The following ABCG2 variants were observed in gnomAD, a reference collection of about 807,000 sequenced individuals.
The protein encoded by ABCG2 is ATP binding cassette subfamily G member 2 (JR blood group).
In ABCG2, 80 loss-of-function variants were observed where a neutral mutation model predicts 73.5. The observed-to-expected ratio is 1.09, with a 90% CI of 0.91 to 1.31. The LOEUF (loss-of-function observed/expected upper bound fraction) is 1.31. Ranked by LOEUF, ABCG2 falls within the 50% of genes most tolerant of loss-of-function variation. The pLI is 0.00. For missense variants in ABCG2, 796 were observed against 786.2 expected, an observed-to-expected ratio of 1.01 and a Z score of -0.15; for synonymous variants, 269 against 282.4, an observed-to-expected ratio of 0.95 and a Z score of 0.48.
intron 1 of ABCG2, among the ~76,000 whole-genome samples, chr4:88,202,356 A>C (rs1453586522): frequency 1.4e-5 from 1 of 72,628 alleles, no homozygotes; most frequent in Non-Finnish European, 3.2e-5. Flanking sequence ...ACAATTATTT[A>C]TATATATATA....
In ABCG2 at chr4:88,113,693, C is replaced by A. The variant is rs568716333; in HGVS notation, c.944-140G>T. The A allele has an allele frequency of 1.9e-5, 21 of 1,116,290 alleles. No homozygotes were observed. In the South Asian group the frequency reaches 2.5e-4, roughly 13 times the overall value. The allele number at this position is 1,116,290 out of a possible 1,614,324, so 69.1% of individuals were successfully genotyped here. ...GAAAGAAAAAATAGGCCAGGCACGGCGGCTCATGACTGTAATCTCAGCACT... is the reference window on the plus strand; with the variant it reads ...GAAAGAAAAAATAGGCCAGGCACGGAGGCTCATGACTGTAATCTCAGCACT... On this transcript the variant is annotated intron_variant, in intron 8 of 15. Coordinates refer to ENST00000237612, the MANE Select transcript of ABCG2 (RefSeq NM_004827.3).
At chr4:88,175,333 A>AT (rs1447642322) in intron 1 of ABCG2, among the ~76,000 whole-genome samples, 2 of 152,130 alleles carry the variant, frequency 1.3e-5, no homozygotes, top group East Asian at 3.8e-4. Flanking sequence ...CAAATACCTG[A>AT]TTTTCTCTCT....
chr4:88,159,341 G>GGATTCTGAGAAAGTGGATGC (rs2110084516), upstream of ABCG2: 3 of 387,520 alleles, frequency 7.7e-6, no homozygotes, highest in East Asian at 7.9e-5. Flanking sequence ...CTGGTGAATG[G>GGATTCTGAGAAAGTGGATGC]GATTCTGAGA....
chr4:88,206,529 A>G (rs961011384), intron 1 of ABCG2: 1 of 152,138 alleles, frequency 6.6e-6, no homozygotes, highest in Non-Finnish European at 1.5e-5. Flanking sequence ...AGAAGTGTTA[A>G]CCTTCTGTCC....
rs180914374 is a variant in ABCG2 at position 88,216,897 on chromosome 4, G to C, written c.-20+14097C>G. The stretch of plus-strand genomic sequence containing the variant: ...AATACAAAAATTAGCTGGGCGTGGT[G>C]GTGGGCACCTGTAATCCCAGCTACT... On this transcript the variant is annotated intron_variant, in intron 1 of 15. Coordinates refer to the ABCG2 transcript ENST00000515655. Among the ~76,000 whole-genome samples, 522 of 152,094 alleles carry C rather than the reference G, an allele frequency of 3.4e-3. 4 individuals are homozygous for C. Among genetic ancestry groups the C allele is most frequent in the African/African-American group, 0.012 (487 of 41,490 alleles).
chr4:88,124,825 A>C (rs1161757595), intron 5 of ABCG2, among the ~76,000 whole-genome samples: 9 of 152,120 alleles, frequency 5.9e-5, no homozygotes, highest in African/African-American at 1.9e-4. Context: ...CACCTACAGA[A>C]CTCTCTACCC....
intron 1 of ABCG2, among the ~76,000 whole-genome samples, chr4:88,214,630 C>T (rs1054557179): frequency 2.0e-5 from 3 of 151,990 alleles, no homozygotes; most frequent in African/African-American, 7.3e-5. Flanking sequence ...TAGGCTGAGG[C>T]AGGAGGATCA....
At chr4:88,186,642 G>A (rs923483091) in intron 1 of ABCG2, among the ~76,000 whole-genome samples, 6 of 151,630 alleles carry the variant, frequency 4.0e-5, no homozygotes, top group African/African-American at 7.3e-5. Flanking sequence ...CCGGGCGGCC[G>A]GGCGCGGTGG....
intron 2 of ABCG2, among the ~76,000 whole-genome samples, chr4:88,135,907 T>A (rs1725216765): frequency 6.6e-6 from 1 of 152,128 alleles, no homozygotes; most frequent in South Asian, 2.1e-4. Flanking sequence ...ACATCCTTAA[T>A]GTACTTGCTG....
At chr4:88,126,637 A>C (rs1724429343) in intron 5 of ABCG2, among the ~76,000 whole-genome samples, 1 of 152,240 alleles carries the variant, frequency 6.6e-6, no homozygotes. Context: ...AGAAATCAAT[A>C]AATGTAATCC....
intron 1 of ABCG2, among the ~76,000 whole-genome samples, chr4:88,150,734 C>G (rs1050328947): frequency 1.3e-5 from 2 of 152,214 alleles, no homozygotes; most frequent in Non-Finnish European, 2.9e-5. Context: ...TCAAAGCCAT[C>G]TTGGGCCACA....
At chr4:88,206,497 G>A (rs562948039) in intron 1 of ABCG2, 1 of 152,152 alleles carries the variant, frequency 6.6e-6, no homozygotes, top group South Asian at 2.1e-4. Flanking sequence ...CAGGCCCGAG[G>A]GCCTCTTCCA....
At chr4:88,198,269 G>C (rs1729017259) in intron 1 of ABCG2, among the ~76,000 whole-genome samples, 1 of 152,094 alleles carries the variant, frequency 6.6e-6, no homozygotes, top group African/African-American at 2.4e-5. Context: ...GGAGGCAGAG[G>C]TTGCAGTGAG....
Position 88,094,577 on chromosome 4 carries a change from G to T in ABCG2, c.1820C>A (p.Thr607Lys). Reference protein sequence around the residue: ...ATGNNPCNYATCTGEEYLVKQ... With the variant: ...ATGNNPCNYAKCTGEEYLVKQ... ...ATTTTGACACTGAACAAAAACTTAC[G>T]TTGCATAGTTACAAGGATTGTTTCC... The change falls in exon 15 of 16, where the codon ACA becomes AAA. Residue 607 changes from threonine to lysine, a missense_variant and splice_region_variant. Coordinates refer to ENST00000237612, the MANE Select transcript of ABCG2 (RefSeq NM_004827.3). 3.1e-6 allele frequency: 5 copies of T among 1,612,714 alleles called. No individual in the cohort carries two copies. The highest frequency in any genetic ancestry group is 4.2e-6 in the Non-Finnish European group (5 of 1,178,744).
At chr4:88,162,545 C>A (rs1727359880), upstream of ABCG2, among the ~76,000 whole-genome samples, 1 of 152,074 alleles carries the variant, frequency 6.6e-6, no homozygotes. Context: ...AATAAAAATT[C>A]AAAATAAAGT....
At chr4:88,222,376 C>T (rs1466370643) in intron 1 of ABCG2, among the ~76,000 whole-genome samples, 2 of 152,166 alleles carry the variant, frequency 1.3e-5, no homozygotes, top group Admixed American at 6.5e-5. Flanking sequence ...TCTTGAATTC[C>T]CACATGTTGT....
chr4:88,203,239 G>T (rs907354316), intron 1 of ABCG2, among the ~76,000 whole-genome samples: 1 of 152,102 alleles, frequency 6.6e-6, no homozygotes, highest in Non-Finnish European at 1.5e-5. Flanking sequence ...GAGGCGAAAA[G>T]ATGAAAGAAC....
rs1311863402 is a variant in ABCG2 at position 88,229,836 on chromosome 4, C to T, written c.-20+1158G>A. Among the ~76,000 whole-genome samples the T allele has an allele frequency of 2.6e-5, 4 of 152,248 alleles. 1 individual carries two copies. Among genetic ancestry groups the T allele is most frequent in the South Asian group, 4.1e-4 (2 of 4,830 alleles). ...CAAGGAACATACTGCATTTAAAGAA[C>T]ACTACCAGGCCTGTTACAGGAGGAT... On this transcript the variant is annotated intron_variant, in intron 1 of 15. Coordinates refer to the ABCG2 transcript ENST00000515655.
chr4:88,201,780 T>C (rs1729173552), intron 1 of ABCG2: 1 of 152,168 alleles, frequency 6.6e-6, no homozygotes, highest in Non-Finnish European at 1.5e-5. Context: ...ACAAAGATAA[T>C]ACACAAATTT....
Sources: gnomAD v4.1 joint callset for allele counts (sites outside exome capture counted in the v4.1 genomes callset) on GRCh38, gnomAD v4.1.1 for gene constraint, MANE v1.5 for transcripts, NCBI Gene and HGNC (gene_info 2026-07-23, HGNC 2026-07-21) for gene names.